The following ZFHX3 variants were observed in gnomAD, a reference collection of about 807,000 sequenced individuals.
The protein encoded by ZFHX3 is zinc finger homeobox protein 3.
ZFHX3 carries 42 observed loss-of-function variants against 279.1 expected under a neutral mutation model. The ratio of observed to expected loss-of-function variants is 0.15; its 90% CI spans 0.12 to 0.19. ZFHX3 has a LOEUF of 0.19. ZFHX3 is among the 10% of genes least tolerant of loss of function. The pLI is 1.00. For synonymous variants in ZFHX3, 2,293 were observed against 1,957.8 expected (o/e 1.17, Z -4.52); for missense variants, 4,981 against 4,754.0 (o/e 1.05, Z -1.40).
intron 1 of ZFHX3, among the ~76,000 whole-genome samples, chr16:72,975,040 C>T (rs956373315): frequency 6.6e-6 from 1 of 152,170 alleles, no homozygotes; most frequent in African/African-American, 2.4e-5. Flanking sequence ...AGTGAACCGG[C>T]AGCAAGAACT....
chr16:73,392,443 A>AAAAAAAAAAAAAAAAAAAAAAT (rs2017036618), intron 3 of ZFHX3, among the ~76,000 whole-genome samples: 1 of 145,134 alleles, frequency 6.9e-6, no homozygotes, highest in Non-Finnish European at 1.5e-5. Context: ...AAAAAAAAAA[A>AAAAAAAAAAAAAAAAAAAAAAT]GAGTGAAAAA....
At chr16:72,913,513 G>A (rs994526633) in intron 3 of ZFHX3, among the ~76,000 whole-genome samples, 1 of 152,106 alleles carries the variant, frequency 6.6e-6, no homozygotes, top group Non-Finnish European at 1.5e-5. Context: ...CCCATCCACC[G>A]TATCACATCA....
intron 4 of ZFHX3, among the ~76,000 whole-genome samples, chr16:72,854,934 T>TGGG (rs1407142094): frequency 2.9e-4 from 2 of 6,998 alleles, no homozygotes; most frequent in Non-Finnish European, 5.5e-4. Context: ...CACAAATTGG[T>TGGG]GGGTGGGGGG....
intron 1 of ZFHX3, among the ~76,000 whole-genome samples, chr16:73,790,326 T>C (rs981637514): frequency 6.6e-6 from 1 of 152,080 alleles, no homozygotes; most frequent in African/African-American, 2.4e-5. Context: ...CTAGATACAG[T>C]TGTCTATTAA....
At chr16:73,523,328 A>T (rs556218892) in intron 2 of ZFHX3, among the ~76,000 whole-genome samples, 1 of 152,282 alleles carries the variant, frequency 6.6e-6, no homozygotes, top group African/African-American at 2.4e-5. Context: ...GCCCTGACAT[A>T]GTTACTACGT....
chr16:73,793,897 G>C (rs962402335), intron 1 of ZFHX3, among the ~76,000 whole-genome samples: 3 of 152,094 alleles, frequency 2.0e-5, no homozygotes, highest in Non-Finnish European at 2.9e-5. Context: ...GCAAGCTGAG[G>C]TTCAAAAATG....
intron 1 of ZFHX3, among the ~76,000 whole-genome samples, chr16:73,740,858 T>G (rs534832242): frequency 6.6e-6 from 1 of 152,182 alleles, no homozygotes; most frequent in South Asian, 2.1e-4. Context: ...GTCAAATAAT[T>G]GGGAAGAAAG....
chr16:72,791,360 T>C (rs879309754), intron 9 of ZFHX3: 2 of 152,252 alleles, frequency 1.3e-5, no homozygotes, highest in Admixed American at 1.3e-4. Flanking sequence ...AACTGGGGCA[T>C]GTCTGCTGCC....
intron 2 of ZFHX3, among the ~76,000 whole-genome samples, chr16:72,955,891 G>A (rs7190638): frequency 0.72 from 108,894 of 151,864 alleles, 39,660 homozygotes; most frequent in Admixed American, 0.8. Flanking sequence ...TCTACCTCCC[G>A]AGATTCTATG....
chr16:73,437,291 C>G (rs1244508334), intron 3 of ZFHX3, among the ~76,000 whole-genome samples: 4 of 152,090 alleles, frequency 2.6e-5, no homozygotes, highest in African/African-American at 9.7e-5. Flanking sequence ...GTAACAAAGG[C>G]AAGGACAAAA....
Position 72,957,986 on chromosome 16 carries a change from C to A in ZFHX3, c.2160G>T (p.Thr720=). Residue 720 remains threonine (T), a synonymous_variant, in exon 2 of 10, where the codon ACG becomes ACT. Coordinates refer to ENST00000268489, the MANE Select transcript of ZFHX3 (RefSeq NM_006885.4). Reference sequence around the variant, plus strand: ...CGCAGCGGAAAGGCTTGTAACCACACGTGTAGCTCTCGCCTCGTGCCAGCC... The same window carrying A: ...CGCAGCGGAAAGGCTTGTAACCACAAGTGTAGCTCTCGCCTCGTGCCAGCC... The part of the protein sequence containing the change: ...HPRLARGESY[T]CGYKPFRCEV... 1 of 1,614,030 alleles carries A rather than the reference C, an allele frequency of 6.2e-7. No homozygotes were observed. Among genetic ancestry groups the A allele is most frequent in the Non-Finnish European group, 8.5e-7 (1 of 1,180,046 alleles).
intron 2 of ZFHX3, among the ~76,000 whole-genome samples, chr16:73,655,464 T>C (rs1268134418): frequency 6.6e-6 from 1 of 152,190 alleles, no homozygotes. Flanking sequence ...GAAAATCAAT[T>C]GCATTTCTAT....
intron 2 of ZFHX3, among the ~76,000 whole-genome samples, chr16:73,658,801 T>C (rs1439455477): frequency 6.6e-6 from 1 of 152,208 alleles, no homozygotes; most frequent in Non-Finnish European, 1.5e-5. Context: ...AGGTATTCTG[T>C]AAAACTACAT....
intron 1 of ZFHX3, among the ~76,000 whole-genome samples, chr16:73,687,653 C>T (rs796663643): frequency 4.9e-4 from 75 of 151,614 alleles, no homozygotes; most frequent in African/African-American, 1.7e-3. Flanking sequence ...ACCATCCTGA[C>T]CAACATAGTG....
chr16:73,130,857 C>T, intron 7 of ZFHX3: 9 of 917,788 alleles, frequency 9.8e-6, no homozygotes, highest in Non-Finnish European at 1.3e-5. Flanking sequence ...ATCCACCTGC[C>T]TCGGCCTCCC....
chr16:73,843,731 G>C (rs959683055), intron 1 of ZFHX3, among the ~76,000 whole-genome samples: 2 of 152,108 alleles, frequency 1.3e-5, no homozygotes, highest in African/African-American at 4.8e-5. Context: ...TTCCAAGTCA[G>C]CAGTCAGCAA....
chr16:73,259,389 T>A (rs1438395589), intron 4 of ZFHX3, among the ~76,000 whole-genome samples: 1 of 152,222 alleles, frequency 6.6e-6, no homozygotes, highest in Non-Finnish European at 1.5e-5. Context: ...CTGATTGGGG[T>A]GAAATAGCAT....
intron 2 of ZFHX3, among the ~76,000 whole-genome samples, chr16:72,955,879 G>T (rs752443025): frequency 1.3e-5 from 2 of 150,654 alleles, no homozygotes; most frequent in African/African-American, 2.4e-5. Flanking sequence ...TTTGCTCCAA[G>T]ATCTACCTCC....
At chr16:73,095,638 C>T (rs1289571335) in intron 7 of ZFHX3, among the ~76,000 whole-genome samples, 2 of 152,158 alleles carry the variant, frequency 1.3e-5, no homozygotes. Context: ...AATTTATTTA[C>T]TTTTTGGTGA....
Sources: allele counts gnomAD v4.1 joint callset (sites outside exome capture counted in the v4.1 genomes callset), GRCh38; gene constraint gnomAD v4.1.1; transcripts MANE v1.5; gene names NCBI Gene and HGNC (gene_info 2026-07-23, HGNC 2026-07-21).